GALNTL6: variants seen among roughly 807,000 people sequenced by gnomAD.
The protein encoded by GALNTL6 is polypeptide N-acetylgalactosaminyltransferase-like 6.
GALNTL6 carries 46 observed loss-of-function variants against 73.7 expected under a neutral mutation model. The ratio of observed to expected loss-of-function variants is 0.62; its 90% CI spans 0.49 to 0.80. The LOEUF (loss-of-function observed/expected upper bound fraction) is 0.80. Ranked by LOEUF, GALNTL6 falls within the 30% of genes least tolerant of loss-of-function variation. The pLI, the probability that GALNTL6 is intolerant of heterozygous loss-of-function variation, is 0.00. For synonymous variants in GALNTL6, 259 were observed against 263.7 expected (o/e 0.98, Z 0.17); for missense variants, 604 against 755.0 (o/e 0.80, Z 2.34).
chr4:172,921,409 C>G (rs778865926), intron 8 of GALNTL6, among the ~76,000 whole-genome samples: 6 of 152,092 alleles, frequency 3.9e-5, no homozygotes, highest in Non-Finnish European at 7.4e-5. Flanking sequence ...TCTCTATGTC[C>G]AAATTTCAGG....
intron 2 of GALNTL6, among the ~76,000 whole-genome samples, chr4:171,898,702 G>A (rs1044892644): frequency 6.6e-6 from 1 of 152,022 alleles, no homozygotes; most frequent in African/African-American, 2.4e-5. Context: ...AGTTGGGATT[G>A]AGTGCAAAAT....
chr4:172,957,505 C>T (rs539566873), intron 10 of GALNTL6, among the ~76,000 whole-genome samples: 34 of 152,294 alleles, frequency 2.2e-4, no homozygotes, highest in African/African-American at 7.2e-4. Context: ...GAAGTTGCAA[C>T]GCTAGCTGCT....
chr4:172,422,486 T>A (rs1401065697), intron 5 of GALNTL6, among the ~76,000 whole-genome samples: 3 of 152,018 alleles, frequency 2.0e-5, no homozygotes, highest in Non-Finnish European at 4.4e-5. Context: ...CTTTTCTGGT[T>A]CCTCCTACAC....
At chr4:172,323,586 AAG>A (rs201692638) in intron 4 of GALNTL6, among the ~76,000 whole-genome samples, 2,781 of 152,270 alleles carry the variant, frequency 0.018, 90 homozygotes, top group African/African-American at 0.063. Flanking sequence ...AAAAGGTTGA[AAG>A]AAAATAATTT....
chr4:172,904,888 T>C (rs1402937374), intron 8 of GALNTL6, among the ~76,000 whole-genome samples: 6 of 152,166 alleles, frequency 3.9e-5, no homozygotes, highest in Non-Finnish European at 8.8e-5. Flanking sequence ...GACTAATACT[T>C]CAAGGTCTAA....
At chr4:172,271,640 A>G (rs973189051) in intron 3 of GALNTL6, among the ~76,000 whole-genome samples, 5 of 152,062 alleles carry the variant, frequency 3.3e-5, no homozygotes, top group Admixed American at 6.5e-5. Context: ...TTATTCATTT[A>G]TGTAATGCAT....
Position 172,358,482 on chromosome 4 carries a change from T to C in GALNTL6, c.553+9793T>C, listed in dbSNP as rs1174411739. Among the ~76,000 whole-genome samples the C allele has an allele frequency of 5.9e-5, 9 of 152,054 alleles. 1 individual carries two copies. The highest frequency in any genetic ancestry group is 5.9e-4 in the Admixed American group (9 of 15,270). On this transcript the variant is annotated intron_variant, in intron 5 of 12. Coordinates refer to ENST00000506823, the MANE Select transcript of GALNTL6 (RefSeq NM_001034845.3). ...TATGACCCAACACAAATTCGTAGAG[T>C]TTCTTAAAACATTATGAGATTTTTT...
chr4:172,569,449 C>T (rs1736682001), intron 5 of GALNTL6, among the ~76,000 whole-genome samples: 1 of 152,160 alleles, frequency 6.6e-6, no homozygotes, highest in African/African-American at 2.4e-5. Context: ...CAGGCCTCCT[C>T]AAAGCCCAAG....
intron 5 of GALNTL6, among the ~76,000 whole-genome samples, chr4:172,578,790 C>T (rs1737055588): frequency 1.3e-5 from 2 of 152,094 alleles, no homozygotes; most frequent in East Asian, 1.9e-4. Context: ...TTCAGGAGAC[C>T]GTGTGTTTTT....
intron 2 of GALNTL6, among the ~76,000 whole-genome samples, chr4:171,835,678 T>G (rs975261727): frequency 6.6e-6 from 1 of 152,010 alleles, no homozygotes; most frequent in African/African-American, 2.4e-5. Flanking sequence ...AAAATAGTCA[T>G]GTATAATTCA....
intron 5 of GALNTL6, among the ~76,000 whole-genome samples, chr4:172,609,623 CTCTGTGTGTGTGTGTGTG>C (rs928018966): frequency 2.2e-5 from 2 of 92,594 alleles, no homozygotes; most frequent in Non-Finnish European, 4.1e-5. Flanking sequence ...CTCTCTCTCT[CTCTGTGTGTGTGTGTGTG>C]TGTGTGTGTG....
intron 5 of GALNTL6, among the ~76,000 whole-genome samples, chr4:172,390,147 G>T (rs115144495): frequency 6.6e-6 from 1 of 152,084 alleles, no homozygotes; most frequent in Non-Finnish European, 1.5e-5. Flanking sequence ...TTAACCCAAA[G>T]AAAATAACAT....
At chr4:172,568,911 T>G (rs976561684) in intron 5 of GALNTL6, among the ~76,000 whole-genome samples, 1 of 151,860 alleles carries the variant, frequency 6.6e-6, no homozygotes, top group African/African-American at 2.4e-5. Context: ...GATCTTCTTG[T>G]GATTTTTTTT....
At chr4:172,698,874 T>C (rs1050152124) in intron 5 of GALNTL6, among the ~76,000 whole-genome samples, 1 of 152,146 alleles carries the variant, frequency 6.6e-6, no homozygotes, top group African/African-American at 2.4e-5. Context: ...ATGGGAAGTA[T>C]AAAGGCATCT....
chr4:172,033,229 T>C (rs1741823514), intron 2 of GALNTL6, among the ~76,000 whole-genome samples: 1 of 151,916 alleles, frequency 6.6e-6, no homozygotes, highest in Admixed American at 6.6e-5. Context: ...AAAACTATCA[T>C]TGTCTAGAAG....
chr4:172,742,284 A>G (rs1025616129), intron 5 of GALNTL6, among the ~76,000 whole-genome samples: 3 of 151,908 alleles, frequency 2.0e-5, no homozygotes, highest in African/African-American at 4.8e-5. Context: ...ACTATTAAAC[A>G]TGAAGTACTA....
At position 172,494,028 on chromosome 4, in the gene GALNTL6, G is replaced by C. The variant is rs567826188; in HGVS notation, c.553+145339G>C. Among the ~76,000 whole-genome samples, 37 of 152,042 alleles carry C rather than the reference G, an allele frequency of 2.4e-4. 1 individual carries two copies. The highest frequency in any genetic ancestry group is 6.5e-4 in the African/African-American group (27 of 41,478). On this transcript the variant is annotated intron_variant, in intron 5 of 12. Coordinates refer to ENST00000506823, the MANE Select transcript of GALNTL6 (RefSeq NM_001034845.3). ...TTTTTTTAACCTATATATTTTACCTGTACATACTTCTAGTACAGCTCTTTA... is the reference window on the plus strand; with the variant it reads ...TTTTTTTAACCTATATATTTTACCTCTACATACTTCTAGTACAGCTCTTTA...
At chr4:172,585,963 C>T (rs1737395377) in intron 5 of GALNTL6, among the ~76,000 whole-genome samples, 2 of 152,146 alleles carry the variant, frequency 1.3e-5, no homozygotes, top group South Asian at 4.1e-4. Context: ...CAATGAGACA[C>T]CATCTCACTC....
rs374168303 is a variant in GALNTL6, at chr4:172,365,103, AG to A, written c.553+16418del. ...GTTTATTTTGGAGAATAAATCTGAGAGGGGCTTCTGGCCAATTTCAGTCAGG... is the reference window on the plus strand; with the variant it reads ...GTTTATTTTGGAGAATAAATCTGAGAGGGCTTCTGGCCAATTTCAGTCAGG... On this transcript the variant is annotated intron_variant, in intron 5 of 12. Transcript: ENST00000506823. 7.2e-5 allele frequency among the ~76,000 whole-genome samples: 11 copies of A among 152,358 alleles called. No homozygotes were observed. The East Asian group carries it at 1.5e-3, about 21-fold the overall frequency.
Sources: gnomAD v4.1 joint callset for allele counts (sites outside exome capture counted in the v4.1 genomes callset) on GRCh38, gnomAD v4.1.1 for gene constraint, MANE v1.5 for transcripts, NCBI Gene and HGNC (gene_info 2026-07-23, HGNC 2026-07-21) for gene names.